STXBP5: variants seen among roughly 807,000 people sequenced by gnomAD.
STXBP5 encodes syntaxin binding protein 5, also known as syntaxin-binding protein 5.
A neutral mutation model predicts 152.4 loss-of-function variants in STXBP5; 50 were observed. The observed-to-expected ratio is 0.33, with a 90% CI of 0.26 to 0.42. The LOEUF (loss-of-function observed/expected upper bound fraction) is 0.42. Among genes scored for constraint, STXBP5 ranks in the 10% least tolerant of loss-of-function variants. The pLI, the probability that STXBP5 is intolerant of heterozygous loss-of-function variation, is 1.00. For missense variants in STXBP5, 1,167 were observed against 1,388.6 expected, an observed-to-expected ratio of 0.84 and a Z score of 2.54; for synonymous variants, 492 against 494.7, an observed-to-expected ratio of 0.99 and a Z score of 0.07.
chr6:147,252,016 G>C (rs753386836), intron 4 of STXBP5, among the ~76,000 whole-genome samples: 4 of 152,120 alleles, frequency 2.6e-5, no homozygotes, highest in Non-Finnish European at 4.4e-5. Flanking sequence ...CTAACAAACA[G>C]AAAGGAATAG....
chr6:147,352,771 T>C (rs1784647662), intron 21 of STXBP5, among the ~76,000 whole-genome samples: 2 of 152,278 alleles, frequency 1.3e-5, no homozygotes, highest in Admixed American at 1.3e-4. Context: ...CCTCACCCTT[T>C]CCTGTGAGCC....
chr6:147,277,998 A>G (rs1179561302), intron 7 of STXBP5, 83 bp from the exon 8 acceptor site: 9 of 1,264,632 alleles, frequency 7.1e-6, no homozygotes, highest in Non-Finnish European at 9.7e-6. Context: ...AAAGTTAAAA[A>G]TGAAAATTAA....
intron 26 of STXBP5, among the ~76,000 whole-genome samples, chr6:147,376,382 A>C (rs1490084169): frequency 6.6e-6 from 1 of 152,230 alleles, no homozygotes; most frequent in Admixed American, 6.5e-5. Context: ...GAAACAAAGC[A>C]AAAAGAGAGA....
chr6:147,385,079 C>T lies in STXBP5; in HGVS notation c.*324C>T, dbSNP rs1786275941. 3.5e-6 allele frequency: 1 copy of T among 281,908 alleles called. No homozygotes were observed. The allele number at this position is 281,908 out of a possible 1,614,324, so 17.5% of individuals were successfully genotyped here. A position where few individuals can be genotyped will look rare whatever the true frequency, so the allele number is the denominator to read the frequency against. On this transcript the variant is annotated 3_prime_UTR_variant, in exon 28 of 28. Transcript: ENST00000321680. Reference sequence around the variant, plus strand: ...AATCCTGGATCATTCCTGTATTAAACTTTCATATGCCAAAAGGGTTTGTGC... The same window carrying T: ...AATCCTGGATCATTCCTGTATTAAATTTTCATATGCCAAAAGGGTTTGTGC...
chr6:147,236,872 G>A (rs1049488876), intron 3 of STXBP5, among the ~76,000 whole-genome samples: 4 of 150,334 alleles, frequency 2.7e-5, no homozygotes, highest in East Asian at 2.0e-4. Context: ...TCCGCCTCCC[G>A]GGTTCAAATG....
intron 2 of STXBP5, among the ~76,000 whole-genome samples, chr6:147,230,421 T>C (rs1777939604): frequency 6.6e-6 from 1 of 151,840 alleles, no homozygotes; most frequent in Admixed American, 6.6e-5. Flanking sequence ...ACATGAAAAA[T>C]GACTGTAGTA....
intron 5 of STXBP5, among the ~76,000 whole-genome samples, chr6:147,261,621 TATC>T (rs1779643665): frequency 6.6e-6 from 1 of 151,994 alleles, no homozygotes; most frequent in Non-Finnish European, 1.5e-5. Context: ...GCAAGAATAT[TATC>T]ATATATCAGT....
intron 21 of STXBP5, among the ~76,000 whole-genome samples, chr6:147,346,176 AAG>A (rs1339148637): frequency 6.6e-6 from 1 of 152,216 alleles, no homozygotes; most frequent in African/African-American, 2.4e-5. Context: ...GTTTCTTGAT[AAG>A]TACAGTGAAA....
chr6:147,270,404 A>G (rs1372256981), intron 7 of STXBP5, among the ~76,000 whole-genome samples: 1 of 151,526 alleles, frequency 6.6e-6, no homozygotes, highest in Non-Finnish European at 1.5e-5. Context: ...GTCAAAAAAA[A>G]AAAAAAAAAA....
At chr6:147,212,411 A>C (rs1776903839) in intron 2 of STXBP5, among the ~76,000 whole-genome samples, 1 of 152,214 alleles carries the variant, frequency 6.6e-6, no homozygotes, top group South Asian at 2.1e-4. Context: ...GGCATTTTGG[A>C]AGAATTGCCT....
At chr6:147,342,174 A>T (rs1784123012) in intron 21 of STXBP5, among the ~76,000 whole-genome samples, 1 of 152,160 alleles carries the variant, frequency 6.6e-6, no homozygotes, top group Non-Finnish European at 1.5e-5. Flanking sequence ...ATAATCTGGA[A>T]AAAAAAGATT....
In STXBP5 at chr6:147,384,746, C is replaced by T; in HGVS notation, c.3447C>T (p.Tyr1149=). 6.2e-7 allele frequency: 1 copy of T among 1,611,234 alleles called. No individual in the cohort carries two copies. Among genetic ancestry groups the T allele is most frequent in the South Asian group, 1.1e-5 (1 of 90,506 alleles). ...TGAAATACAAAGATAAGAAGTGGTA[C>T]CAGTTCTGACAACCAGAATCCAATA... ...IMLKYKDKKW[Y]QF The change falls in exon 28 of 28, where the codon TAC becomes TAT. Residue 1149 remains tyrosine, a synonymous_variant. Coordinates refer to ENST00000321680, the MANE Select transcript of STXBP5 (RefSeq NM_001127715.4).
intron 7 of STXBP5, among the ~76,000 whole-genome samples, chr6:147,271,070 A>T (rs1282921865): frequency 6.6e-5 from 10 of 152,204 alleles, no homozygotes; most frequent in African/African-American, 2.4e-4. Flanking sequence ...CAAAGAATAG[A>T]TGGAAGCAAC....
At chr6:147,355,649 C>T (rs188280827) in intron 22 of STXBP5, among the ~76,000 whole-genome samples, 2 of 152,210 alleles carry the variant, frequency 1.3e-5, no homozygotes, top group Admixed American at 1.3e-4. Flanking sequence ...CTAGCTTGGT[C>T]ATTCTGAGCA....
intron 22 of STXBP5, among the ~76,000 whole-genome samples, chr6:147,356,081 G>A (rs764671317): frequency 6.6e-6 from 1 of 151,962 alleles, no homozygotes; most frequent in African/African-American, 2.4e-5. Flanking sequence ...AGTTGCTTTG[G>A]TAATCTAATT....
Position 147,211,328 on chromosome 6 carries a change from G to C in STXBP5, c.248+5260G>C, listed in dbSNP as rs1435738291. Among the ~76,000 whole-genome samples the C allele has an allele frequency of 4.0e-5, 6 of 150,932 alleles. No individual in the cohort carries two copies. In the South Asian group the frequency reaches 1.3e-3, roughly 32 times the overall value. The stretch of plus-strand genomic sequence containing the variant: ...TGTCTCAAAAAAAAAAAAAAAAAAG[G>C]TTGTGTTCTTCTCAACCACAAGTTT... On this transcript the variant is annotated intron_variant, in intron 2 of 27. Transcript: ENST00000321680.
intron 26 of STXBP5, among the ~76,000 whole-genome samples, chr6:147,380,310 A>T (rs1244733880): frequency 6.6e-6 from 1 of 151,958 alleles, no homozygotes; most frequent in Non-Finnish European, 1.5e-5. Flanking sequence ...TGGCATAAAG[A>T]TACATAAATA....
intron 11 of STXBP5, among the ~76,000 whole-genome samples, chr6:147,311,876 ACTCT>A (rs1484526716): frequency 1.3e-5 from 2 of 151,986 alleles, no homozygotes; most frequent in East Asian, 3.9e-4. Flanking sequence ...ACGTCTACTC[ACTCT>A]CAGTTGCAAT....
intron 2 of STXBP5, among the ~76,000 whole-genome samples, chr6:147,211,768 A>T (rs776242583): frequency 2.0e-5 from 3 of 152,050 alleles, no homozygotes; most frequent in Non-Finnish European, 4.4e-5. Context: ...TTTGGCGGAG[A>T]CAGAGTTTCA....
Sources: gnomAD v4.1 joint callset for allele counts (sites outside exome capture counted in the v4.1 genomes callset) on GRCh38, gnomAD v4.1.1 for gene constraint, MANE v1.5 for transcripts, NCBI Gene and HGNC (gene_info 2026-07-23, HGNC 2026-07-21) for gene names.